The following RPAP2 variants were observed in gnomAD, a reference collection of about 807,000 sequenced individuals.
The protein encoded by RPAP2 is putative RNA polymerase II subunit B1 CTD phosphatase RPAP2.
A neutral mutation model predicts 73.1 loss-of-function variants in RPAP2; 52 were observed. The ratio of observed to expected loss-of-function variants is 0.71; its 90% CI spans 0.57 to 0.90. The LOEUF is 0.90. Ranked by LOEUF, RPAP2 falls within the 40% of genes least tolerant of loss-of-function variation. The pLI, the probability that RPAP2 is intolerant of heterozygous loss-of-function variation, is 0.00. For missense variants in RPAP2, 598 were observed against 701.8 expected (o/e 0.85, Z 1.67); for synonymous variants, 225 against 242.1 (o/e 0.93, Z 0.65).
chr1:92,323,666 A>G lies in RPAP2; in HGVS notation c.746A>G (p.Lys249Arg). ...CAGCTGCACCAAAAAAGCATAATGA[A>G]AAAGAAAGCTGGTCACAAAGCTAAC... is the stretch of plus-strand genomic sequence containing the variant. ...RPQLHQKSIM[K>R]KKAGHKANSK... is the part of the protein sequence containing the mutation. Residue 249 changes from lysine to arginine, a missense_variant, in exon 8 of 13, where the codon AAA (lysine) becomes AGA (arginine). Physicochemically the swap from Lys to Arg is conservative, Grantham distance 26. Transcript: ENST00000610020. The G allele has an allele frequency of 6.2e-7, 1 of 1,613,632 alleles. No individual in the cohort carries two copies. The highest frequency in any genetic ancestry group is 8.5e-7 in the Non-Finnish European group (1 of 1,179,872).
At chr1:92,382,390 C>T (rs1460043170) in intron 12 of RPAP2, among the ~76,000 whole-genome samples, 52 of 152,174 alleles carry the variant, frequency 3.4e-4, no homozygotes, top group African/African-American at 7.5e-4. Context: ...CCACCAACAG[C>T]GTACAAGTGT....
intron 11 of RPAP2, among the ~76,000 whole-genome samples, chr1:92,360,409 C>A (rs1356565815): frequency 6.6e-6 from 1 of 152,082 alleles, no homozygotes; most frequent in African/African-American, 2.4e-5. Context: ...GAGCAAATGC[C>A]GACTACTCTT....
chr1:92,332,270 T>C (rs1653013418), intron 8 of RPAP2, among the ~76,000 whole-genome samples: 1 of 152,110 alleles, frequency 6.6e-6, no homozygotes, highest in Non-Finnish European at 1.5e-5. Context: ...CATTAGTTCT[T>C]ACTTTTAAAT....
At chr1:92,300,985 G>C (rs940122544) in intron 2 of RPAP2, among the ~76,000 whole-genome samples, 1 of 152,182 alleles carries the variant, frequency 6.6e-6, no homozygotes, top group African/African-American at 2.4e-5. Context: ...GTGATGTTAC[G>C]AGAAGGAATA....
intron 6 of RPAP2, among the ~76,000 whole-genome samples, chr1:92,310,756 G>C (rs1252144417): frequency 6.6e-6 from 1 of 152,060 alleles, no homozygotes; most frequent in African/African-American, 2.4e-5. Context: ...AATTAGCCAG[G>C]AGTGCTGGAA....
At chr1:92,357,958 G>A (rs1449664128) in intron 11 of RPAP2, among the ~76,000 whole-genome samples, 2 of 152,190 alleles carry the variant, frequency 1.3e-5, no homozygotes, top group Non-Finnish European at 2.9e-5. Flanking sequence ...ACAGGATCTC[G>A]CCCTGTTGCC....
At chr1:92,310,384 G>A (rs147871470) in intron 6 of RPAP2, among the ~76,000 whole-genome samples, 1,886 of 152,184 alleles carry the variant, frequency 0.012, 46 homozygotes, top group African/African-American at 0.042. Flanking sequence ...GCACATTTAA[G>A]CTCTACAGAA....
At chr1:92,308,965 T>G (rs948634303) in intron 6 of RPAP2, among the ~76,000 whole-genome samples, 2 of 151,858 alleles carry the variant, frequency 1.3e-5, no homozygotes, top group Non-Finnish European at 1.5e-5. Context: ...GTCTCAAAAA[T>G]TAAATAAATA....
chr1:92,364,004 C>T (rs1654833411), intron 11 of RPAP2, among the ~76,000 whole-genome samples: 1 of 152,074 alleles, frequency 6.6e-6, no homozygotes, highest in Non-Finnish European at 1.5e-5. Context: ...AGATTTTCAA[C>T]TGCATGGGGG....
At chr1:92,386,107 A>G (rs926963127) in intron 12 of RPAP2, among the ~76,000 whole-genome samples, 8 of 152,194 alleles carry the variant, frequency 5.3e-5, no homozygotes, top group Non-Finnish European at 1.2e-4. Flanking sequence ...AGCCAGTGAG[A>G]GAGGATACCC....
Position 92,303,929 on chromosome 1 carries a change from A to G in RPAP2, c.235-48A>G, listed in dbSNP as rs1173607913. 3.1e-6 allele frequency: 4 copies of G among 1,307,922 alleles called. No homozygotes were observed. The African/African-American group carries it at 5.9e-5, about 19-fold the overall frequency. The allele number at this position is 1,307,922 out of a possible 1,614,324, so 81.0% of individuals were successfully genotyped here. ...ATGAGGCTTAGAGAGCTGATAAATGAACTTTTCTATTAAACTAGGAGGAAA... is the reference window on the plus strand; with the variant it reads ...ATGAGGCTTAGAGAGCTGATAAATGGACTTTTCTATTAAACTAGGAGGAAA... On this transcript the variant is annotated intron_variant, in intron 3 of 12. Coordinates refer to ENST00000610020, the MANE Select transcript of RPAP2 (RefSeq NM_024813.3).
rs1349433074 is a variant in RPAP2 at position 92,389,544 on chromosome 1, T to C, written c.*2533T>C. The C allele has an allele frequency of 2.0e-5, 3 of 152,148 alleles. No individual in the cohort carries two copies. Among genetic ancestry groups the C allele is most frequent in the Admixed American group, 2.0e-4 (3 of 15,264 alleles). 9.4% of individuals were successfully genotyped at this position (152,148 alleles called of 1,614,324 possible). ...GAACAAAACTGGACAGAGAATGAGT[T>C]TGACAAGTTGACAGAAGTAGGCTTC... On this transcript the variant is annotated 3_prime_UTR_variant, in exon 13 of 13. Transcript: ENST00000610020.
At position 92,398,794 on chromosome 1, in the gene RPAP2, G is replaced by A. The variant is rs1656247352; in HGVS notation, c.*11783G>A. The A allele has an allele frequency of 1.3e-5, 2 of 152,162 alleles. No individual in the cohort carries two copies. Among genetic ancestry groups the A allele is most frequent in the Admixed American group, 6.5e-5 (1 of 15,270 alleles). The allele number at this position is 152,162 out of a possible 1,614,324, so 9.4% of individuals were successfully genotyped here. A position where few individuals can be genotyped will look rare whatever the true frequency, so the allele number is the denominator to read the frequency against. On this transcript the variant is annotated 3_prime_UTR_variant, in exon 13 of 13. Transcript: ENST00000610020. ...GCACAAGCTGAAGGATAAGGTGTGG[G>A]GCAGTGACTGCGTGGGGCTGCCTGT... is the stretch of plus-strand genomic sequence containing the variant.
intron 10 of RPAP2, among the ~76,000 whole-genome samples, chr1:92,342,425 G>A (rs1653648539): frequency 6.6e-6 from 1 of 152,160 alleles, no homozygotes; most frequent in African/African-American, 2.4e-5. Flanking sequence ...ATGGGATTGG[G>A]GTTGGGTGTA....
In RPAP2 at chr1:92,301,559, A is replaced by G; in HGVS notation, c.203A>G (p.Glu68Gly). ...ALHIVEQLLE[E>G]NITEEFLMEC... Reference sequence around the variant, plus strand: ...CATATTGTTGAACAGCTTTTAGAGGAGAATATTACAGAAGAGTTCCTAATG... The same window carrying G: ...CATATTGTTGAACAGCTTTTAGAGGGGAATATTACAGAAGAGTTCCTAATG... The change falls in exon 3 of 13, where the codon GAG becomes GGG. Residue 68 changes from glutamate to glycine, a missense_variant. Glu to Gly is a moderately conservative substitution (Grantham distance 98, BLOSUM62 -2). This residue lies in a region of RPAP2 where 506 missense variants were observed against 612.8 expected (regional missense o/e 0.83). Transcript: ENST00000610020. The G allele has an allele frequency of 6.5e-7, 1 of 1,546,970 alleles. No individual in the cohort carries two copies. Among genetic ancestry groups the G allele is most frequent in the Non-Finnish European group, 8.8e-7 (1 of 1,138,074 alleles).
rs1655911150 is a variant in RPAP2 at position 92,387,561 on chromosome 1, G to A, written c.*550G>A. ...ATGCTTTAAATGGAATCTGTAGTTTGTTTGCAGGAGAGACAATTTCTAGAA... is the reference window on the plus strand; with the variant it reads ...ATGCTTTAAATGGAATCTGTAGTTTATTTGCAGGAGAGACAATTTCTAGAA... On this transcript the variant is annotated 3_prime_UTR_variant, in exon 13 of 13. Coordinates refer to ENST00000610020, the MANE Select transcript of RPAP2 (RefSeq NM_024813.3). 6.6e-6 allele frequency: 1 copy of A among 152,200 alleles called. No individual in the cohort carries two copies. Among genetic ancestry groups the A allele is most frequent in the Non-Finnish European group, 1.5e-5 (1 of 68,042 alleles). 9.4% of individuals were successfully genotyped at this position (152,200 alleles called of 1,614,324 possible).
rs955524667 is a variant in RPAP2, at chr1:92,388,559, T to A, written c.*1548T>A. ...CCACAGAGGGTTAGCCGAAGCAAGG[T>A]GGGGCATCGCCTCACCTGGGAAGCG... On this transcript the variant is annotated 3_prime_UTR_variant, in exon 13 of 13. Transcript: ENST00000610020. 3.9e-5 allele frequency: 6 copies of A among 152,190 alleles called. 1 individual carries two copies. The highest frequency in any genetic ancestry group is 1.4e-4 in the African/African-American group (6 of 41,528). 9.4% of individuals were successfully genotyped at this position (152,190 alleles called of 1,614,324 possible).
Position 92,380,713 on chromosome 1 carries a change from G to T in RPAP2, c.1689-11G>T. The T allele has an allele frequency of 6.5e-7, 1 of 1,549,896 alleles. No individual in the cohort carries two copies. Among genetic ancestry groups the T allele is most frequent in the Non-Finnish European group, 8.7e-7 (1 of 1,155,976 alleles). ...TCATGGATATGCATTTAGTATTTTT[G>T]GTTGTTTCAGACTGACCCCAATTCT... On this transcript the variant is annotated splice_polypyrimidine_tract_variant and intron_variant, in intron 11 of 12. Coordinates refer to ENST00000610020, the MANE Select transcript of RPAP2 (RefSeq NM_024813.3).
intron 11 of RPAP2, among the ~76,000 whole-genome samples, chr1:92,361,079 T>C (rs1042987091): frequency 5.1e-5 from 7 of 137,184 alleles, no homozygotes; most frequent in African/African-American, 1.9e-4. Context: ...GCAAAAAGCA[T>C]ATATATATAT....
Sources: allele counts gnomAD v4.1 joint callset (sites outside exome capture counted in the v4.1 genomes callset), GRCh38; gene constraint gnomAD v4.1.1; regional missense constraint gnomAD v4.1.1; transcripts MANE v1.5; gene names NCBI Gene and HGNC (gene_info 2026-07-23, HGNC 2026-07-21).